Variants in STARD13 observed in about 807,000 individuals in gnomAD.
STARD13 encodes StAR related lipid transfer domain containing 13.
STARD13 carries 62 observed loss-of-function variants against 106.4 expected under a neutral mutation model. That is an observed-to-expected ratio of 0.58 (90% CI 0.48 to 0.72). The LOEUF is 0.72. STARD13 is among the 30% of genes least tolerant of loss of function. The pLI is 0.00. For synonymous variants in STARD13, 565 were observed against 553.0 expected, an observed-to-expected ratio of 1.02 and a Z score of -0.31; for missense variants, 1,387 against 1,424.0, an observed-to-expected ratio of 0.97 and a Z score of 0.42.
chr13:33,395,610 C>T, the STARD13 span, among the ~76,000 whole-genome samples: 2 of 152,108 alleles, frequency 1.3e-5, no homozygotes, highest in African/African-American at 4.8e-5. Flanking sequence ...GAATGACAGA[C>T]CCTTCCCTTG....
chr13:33,596,003 A>T, the STARD13 span, among the ~76,000 whole-genome samples: 2 of 152,156 alleles, frequency 1.3e-5, no homozygotes, highest in East Asian at 1.9e-4. Flanking sequence ...CTCAGTTTGA[A>T]ATCAGATGCT....
chr13:33,128,092 G>T (rs1877514680), intron 5 of STARD13, among the ~76,000 whole-genome samples: 1 of 151,908 alleles, frequency 6.6e-6, no homozygotes, highest in Non-Finnish European at 1.5e-5. Context: ...TAGAGACAGA[G>T]CAAGAGACAG....
chr13:33,439,861 G>A, the STARD13 span: 2 of 371,930 alleles, frequency 5.4e-6, no homozygotes, highest in East Asian at 7.9e-5. Context: ...TGCCAACTGA[G>A]GCATGAAGAT....
In STARD13 at chr13:33,129,866, C is replaced by A. The variant is rs745629464; in HGVS notation, c.811G>T (p.Ala271Ser). 2 of 1,612,970 alleles carry A rather than the reference C, an allele frequency of 1.2e-6. No individual in the cohort carries two copies. Among genetic ancestry groups the A allele is most frequent in the Non-Finnish European group, 1.7e-6 (2 of 1,180,034 alleles). The stretch of plus-strand genomic sequence containing the variant: ...CCAGACCCCTTATGCCTCCCGTGGG[C>A]TCCCTTCCCTCGGAGTGTTTCCATG... ...KRMETLRGKG[A>S]HGRHKGSGRT... The change falls in exon 5 of 14, where the codon GCC becomes TCC. Residue 271 changes from alanine (A) to serine (S), a missense_variant. By Grantham distance (99) the Ala-to-Ser change is moderately conservative (BLOSUM62 1). Transcript: ENST00000336934.
intron 1 of STARD13, among the ~76,000 whole-genome samples, chr13:33,176,313 C>T (rs1884514658): frequency 6.6e-6 from 1 of 152,032 alleles, no homozygotes. Context: ...AAAATATTTA[C>T]TAGGATTTTT....
chr13:33,213,198 G>T (rs115604631), intron 1 of STARD13, among the ~76,000 whole-genome samples: 1 of 152,028 alleles, frequency 6.6e-6, no homozygotes, highest in Non-Finnish European at 1.5e-5. Flanking sequence ...TGAAAATGTC[G>T]GCAATGCCTT....
At chr13:33,157,216 A>G (rs914891712) in intron 3 of STARD13, among the ~76,000 whole-genome samples, 1 of 152,166 alleles carries the variant, frequency 6.6e-6, no homozygotes, top group African/African-American at 2.4e-5. Context: ...ATCCTTTTAA[A>G]TACTAAGGGC....
At chr13:33,137,822 A>G (rs1879255020) in intron 4 of STARD13, among the ~76,000 whole-genome samples, 2 of 151,986 alleles carry the variant, frequency 1.3e-5, no homozygotes, top group African/African-American at 4.8e-5. Context: ...AATACTCTCC[A>G]GCCAAGTGAA....
At chr13:33,145,352 A>C (rs1163212118) in intron 3 of STARD13, among the ~76,000 whole-genome samples, 1 of 152,222 alleles carries the variant, frequency 6.6e-6, no homozygotes, top group Non-Finnish European at 1.5e-5. Context: ...GACAACATTA[A>C]GTATTAGCAA....
chr13:33,107,154 A>G (rs1270825848), intron 12 of STARD13, among the ~76,000 whole-genome samples: 2 of 152,222 alleles, frequency 1.3e-5, no homozygotes, highest in Admixed American at 6.5e-5. Flanking sequence ...GAGGCCAGAA[A>G]TGGTCTTGCA....
At chr13:33,266,323 A>G (rs2138342089) in intron 1 of STARD13, among the ~76,000 whole-genome samples, 1 of 152,360 alleles carries the variant, frequency 6.6e-6, no homozygotes, top group East Asian at 1.9e-4. Flanking sequence ...CATAAAATAC[A>G]TGCTCAACCA....
At chr13:33,344,131 T>C (rs989960202), downstream of STARD13, among the ~76,000 whole-genome samples, 2 of 152,070 alleles carry the variant, frequency 1.3e-5, no homozygotes, top group Non-Finnish European at 1.5e-5. Flanking sequence ...CTTTTAAAAA[T>C]ATGGATACCA....
chr13:33,429,399 A>T, the STARD13 span, among the ~76,000 whole-genome samples: 4 of 152,146 alleles, frequency 2.6e-5, no homozygotes, highest in Non-Finnish European at 5.9e-5. Flanking sequence ...GATTGAGACC[A>T]TCCTGGCTAA....
the STARD13 span, among the ~76,000 whole-genome samples, chr13:33,667,618 G>C: frequency 6.6e-6 from 1 of 152,176 alleles, no homozygotes; most frequent in Non-Finnish European, 1.5e-5. Context: ...ATTAGATAAT[G>C]TATCATTAAG....
At chr13:33,388,369 G>A in the STARD13 span, among the ~76,000 whole-genome samples, 4 of 152,242 alleles carry the variant, frequency 2.6e-5, no homozygotes, top group Non-Finnish European at 4.4e-5. Context: ...TCCACCAGCA[G>A]AGGCATAATA....
intron 1 of STARD13, among the ~76,000 whole-genome samples, chr13:33,297,057 G>A (rs1215725758): frequency 2.6e-5 from 4 of 152,240 alleles, no homozygotes; most frequent in African/African-American, 9.6e-5. Context: ...TTCTGGAGGA[G>A]TTCTTTCCCA....
chr13:33,297,842 G>T lies in STARD13; in HGVS notation c.124+52448C>A, dbSNP rs187530078. Among the ~76,000 whole-genome samples the T allele has an allele frequency of 9.5e-4, 144 of 152,268 alleles. 1 individual carries two copies. The highest frequency in any genetic ancestry group is 3.4e-3 in the Middle Eastern group (1 of 294). On this transcript the variant is annotated intron_variant, in intron 1 of 5. Transcript: ENST00000567873. ...CTCTGTGTATTGCAGATATAAGACA[G>T]ACAGACAAGAAAAATCTGCACAACA...
intron 1 of STARD13, among the ~76,000 whole-genome samples, chr13:33,241,953 G>A (rs948423387): frequency 2.6e-5 from 4 of 152,084 alleles, no homozygotes; most frequent in African/African-American, 9.7e-5. Flanking sequence ...GCCTCTGTCC[G>A]GCCGCCACCC....
At chr13:33,424,368 T>C in the STARD13 span, among the ~76,000 whole-genome samples, 1 of 152,124 alleles carries the variant, frequency 6.6e-6, no homozygotes, top group Admixed American at 6.5e-5. Context: ...CTCTTCAGGA[T>C]TGTGAGATGA....
Sources: gnomAD v4.1 joint callset for allele counts (sites outside exome capture counted in the v4.1 genomes callset) on GRCh38, gnomAD v4.1.1 for gene constraint, MANE v1.5 for transcripts, NCBI Gene and HGNC (gene_info 2026-07-23, HGNC 2026-07-21) for gene names.